ARHGEF12: variants seen among roughly 807,000 people sequenced by gnomAD.
ARHGEF12 encodes KMT2A/ARHGEF12 fusion protein.
ARHGEF12 carries 66 observed loss-of-function variants against 211.2 expected under a neutral mutation model. The ratio of observed to expected loss-of-function variants is 0.31; its 90% confidence interval spans 0.26 to 0.38. The LOEUF is 0.38. Among genes scored for constraint, ARHGEF12 ranks in the 10% least tolerant of loss-of-function variants. The pLI, the probability that ARHGEF12 is intolerant of heterozygous loss-of-function variation, is 1.00. For synonymous variants in ARHGEF12, 592 were observed against 638.4 expected (o/e 0.93, Z 1.09); for missense variants, 1,429 against 1,869.5 (o/e 0.76, Z 4.34).
intron 1 of ARHGEF12, among the ~76,000 whole-genome samples, chr11:120,369,612 G>C (rs1943532406): frequency 6.6e-6 from 1 of 152,186 alleles, no homozygotes; most frequent in South Asian, 2.1e-4. Context: ...TTCAACAAAA[G>C]TAGTTTATTT....
chr11:120,474,692 A>G (rs1946977610), intron 32 of ARHGEF12, 57 bp downstream of exon 32: 1 of 1,379,832 alleles, frequency 7.2e-7, no homozygotes, highest in East Asian at 2.3e-5. Context: ...AAGGAATAGG[A>G]AAGTTTCCTA....
At chr11:120,403,944 C>A (rs1288424518) in intron 1 of ARHGEF12, among the ~76,000 whole-genome samples, 1 of 152,178 alleles carries the variant, frequency 6.6e-6, no homozygotes, top group African/African-American at 2.4e-5. Context: ...AGCTTTCAGA[C>A]CTGCCTTTCT....
intron 5 of ARHGEF12, 51 bp from the exon 6 acceptor site, chr11:120,421,752 G>C (rs1190228013): frequency 6.6e-7 from 1 of 1,523,848 alleles, no homozygotes; most frequent in Non-Finnish European, 9.1e-7. Flanking sequence ...TCAGGAAGAT[G>C]ATCAGTAAAT....
In ARHGEF12 at chr11:120,460,689, A is replaced by G; in HGVS notation, c.2545A>G (p.Met849Val). 1 of 1,613,822 alleles carries G rather than the reference A, an allele frequency of 6.2e-7. No individual in the cohort carries two copies. The highest frequency in any genetic ancestry group is 8.5e-7 in the Non-Finnish European group (1 of 1,179,854). Residue 849 changes from methionine to valine, a missense_variant, in exon 27 of 41, where the codon ATG becomes GTG. Around this residue, in one of 7 missense-constraint regions of ARHGEF12, gnomAD observed 223 missense variants for 444.6 expected, o/e 0.50. Coordinates refer to ENST00000397843, the MANE Select transcript of ARHGEF12 (RefSeq NM_015313.3). ...LQLHIGLNEQMKAVRKRNETS... is the reference protein window; with the variant it reads ...LQLHIGLNEQVKAVRKRNETS... Reference sequence around the variant, plus strand: ...ATCTTTAGTTGGATTGAATGAACAAATGAAGGCTGTTCGAAAGAGAAATGA... The same window carrying G: ...ATCTTTAGTTGGATTGAATGAACAAGTGAAGGCTGTTCGAAAGAGAAATGA...
rs1565420552 is a variant in ARHGEF12 at position 120,351,430 on chromosome 11, TATATATATATATATA to T, written c.32+14156_32+14170del. On this transcript the variant is annotated intron_variant, in intron 1 of 40. Transcript: ENST00000397843. Reference sequence around the variant, plus strand: ...AGGAATATATATATATATATATATATATATATATATATATATATATATATATTTTTTTTTTTTTTT... The same window carrying T: ...AGGAATATATATATATATATATATATTATATATATATTTTTTTTTTTTTTT... 1.3e-3 allele frequency among the ~76,000 whole-genome samples: 5 copies of T among 3,958 alleles called. 1 individual carries two copies. In the East Asian group the frequency reaches 0.02, roughly 16 times the overall value. 2.6% of individuals were successfully genotyped at this position (3,958 alleles called of 152,430 possible). A position where few individuals can be genotyped will look rare whatever the true frequency, so the allele number is the denominator to read the frequency against.
In ARHGEF12 at chr11:120,484,403, G is replaced by A. The variant is rs374529005; in HGVS notation, c.4555-35G>A. On this transcript the variant is annotated intron_variant, in intron 39 of 40. Coordinates refer to ENST00000397843, the MANE Select transcript of ARHGEF12 (RefSeq NM_015313.3). ...TTTTTGTTTTGTTTTGTTTCATTAC[G>A]TTTGAATAAAAAACCTATGGGTTTT... 6.5e-5 allele frequency: 103 copies of A among 1,586,876 alleles called. No homozygotes were observed. In the Middle Eastern group the frequency reaches 2.0e-3, roughly 31 times the overall value.
At chr11:120,453,817 G>T (rs926146323) in intron 22 of ARHGEF12, among the ~76,000 whole-genome samples, 1 of 152,164 alleles carries the variant, frequency 6.6e-6, no homozygotes, top group East Asian at 1.9e-4. Context: ...TCTGCTCATT[G>T]GAACCCTGGA....
chr11:120,370,024 A>AT (rs1163554986), intron 1 of ARHGEF12, among the ~76,000 whole-genome samples: 5 of 152,214 alleles, frequency 3.3e-5, no homozygotes, highest in African/African-American at 4.8e-5. Context: ...ATCTTCAAAC[A>AT]TTATGGAAAT....
chr11:120,459,374 TTG>T, intron 26 of ARHGEF12, 54 bp downstream of exon 26: 3 of 1,565,640 alleles, frequency 1.9e-6, no homozygotes, highest in Non-Finnish European at 2.6e-6. Flanking sequence ...AGAGAAAAGA[TTG>T]TGAGTTTAAA....
At chr11:120,450,905 C>G (rs1052587150) in intron 21 of ARHGEF12, 2 of 152,306 alleles carry the variant, frequency 1.3e-5, no homozygotes, top group African/African-American at 2.4e-5. Flanking sequence ...TCCTTCTTTT[C>G]TCATGACCCT....
chr11:120,483,517 G>A (rs536559013), intron 39 of ARHGEF12, among the ~76,000 whole-genome samples: 16 of 151,312 alleles, frequency 1.1e-4, no homozygotes, highest in African/African-American at 3.4e-4. Flanking sequence ...TCCGCCTCCC[G>A]GGTTCAAGCG....
At chr11:120,384,730 C>T (rs1159570880) in intron 1 of ARHGEF12, among the ~76,000 whole-genome samples, 1 of 152,148 alleles carries the variant, frequency 6.6e-6, no homozygotes, top group South Asian at 2.1e-4. Flanking sequence ...GAAGAAATTT[C>T]AATCCTCCCA....
At chr11:120,484,393 G>C (rs377310044) in intron 39 of ARHGEF12, 45 bp from the exon 40 acceptor site, 1 of 1,560,216 alleles carries the variant, frequency 6.4e-7, no homozygotes, top group African/African-American at 1.4e-5. Context: ...GTTTTGTTTT[G>C]TTTCATTACG....
chr11:120,408,747 T>C (rs926120664), intron 3 of ARHGEF12: 4 of 152,082 alleles, frequency 2.6e-5, no homozygotes, highest in East Asian at 1.9e-4. Flanking sequence ...ATAAATATTA[T>C]CTAGGAAGCA....
Position 120,359,997 on chromosome 11 carries a change from T to C in ARHGEF12, c.32+22722T>C, listed in dbSNP as rs12420968. Among the ~76,000 whole-genome samples the C allele has an allele frequency of 2.6e-3, 399 of 152,344 alleles. 6 individuals carry two copies. The highest frequency in any genetic ancestry group is 0.02 in the Admixed American group (306 of 15,306). Reference sequence around the variant, plus strand: ...TGGTAGATAAATAAGACCAAGTCTCTAATAACACGTAATACTATCTGAGGA... The same window carrying C: ...TGGTAGATAAATAAGACCAAGTCTCCAATAACACGTAATACTATCTGAGGA... On this transcript the variant is annotated intron_variant, in intron 1 of 40. Coordinates refer to ENST00000397843, the MANE Select transcript of ARHGEF12 (RefSeq NM_015313.3).
chr11:120,476,988 TA>T (rs1947050670), intron 34 of ARHGEF12: 2 of 581,346 alleles, frequency 3.4e-6, no homozygotes, highest in Non-Finnish European at 6.0e-6. Context: ...GAAGTTTTTT[TA>T]ATGTGTCCAT....
intron 1 of ARHGEF12, among the ~76,000 whole-genome samples, chr11:120,398,113 A>T (rs974475145): frequency 3.3e-5 from 5 of 152,234 alleles, no homozygotes; most frequent in African/African-American, 1.2e-4. Context: ...CGGCAGTCTC[A>T]TTACTCAATC....
At chr11:120,344,381 A>G (rs1942638760) in intron 1 of ARHGEF12, among the ~76,000 whole-genome samples, 1 of 152,102 alleles carries the variant, frequency 6.6e-6, no homozygotes, top group Admixed American at 6.6e-5. Flanking sequence ...CAGAAGAGTA[A>G]CAGATACCCC....
At chr11:120,468,651 A>G (rs550676760) in intron 29 of ARHGEF12, among the ~76,000 whole-genome samples, 199 of 152,250 alleles carry the variant, frequency 1.3e-3, no homozygotes, top group African/African-American at 4.6e-3. Context: ...AGGTTTCACC[A>G]TATTGGCCAG....
Sources: allele counts gnomAD v4.1 joint callset (sites outside exome capture counted in the v4.1 genomes callset), GRCh38; gene constraint gnomAD v4.1.1; regional missense constraint gnomAD v4.1.1; transcripts MANE v1.5; gene names NCBI Gene and HGNC (gene_info 2026-07-23, HGNC 2026-07-21).